BTNL9: variants seen among roughly 807,000 people sequenced by gnomAD.
The protein encoded by BTNL9 is butyrophilin like 9.
In BTNL9, 45 loss-of-function variants were observed where a neutral mutation model predicts 45.8. The observed-to-expected ratio is 0.98, with a 90% CI of 0.77 to 1.26. BTNL9 has a LOEUF of 1.26. Ranked by LOEUF, BTNL9 falls within the 50% of genes most tolerant of loss-of-function variation. BTNL9 has a pLI of 0.00. For synonymous variants in BTNL9, 346 were observed against 330.8 expected, an observed-to-expected ratio of 1.05 and a Z score of -0.50; for missense variants, 784 against 729.7, an observed-to-expected ratio of 1.07 and a Z score of -0.86.
Position 181,059,778 on chromosome 5 carries a change from A to G in BTNL9, c.1524A>G (p.Arg508=), listed in dbSNP as rs369501156. ...DPLTICPLPV[R]GTGVPEENDS... ...TGACCATCTGCCCGCTGCCGGTTAGAGGGACGGGCGTCCCCGAAGAGAACG... is the reference window on the plus strand; with the variant it reads ...TGACCATCTGCCCGCTGCCGGTTAGGGGGACGGGCGTCCCCGAAGAGAACG... Residue 508 remains arginine (R), a synonymous_variant, in exon 11 of 11, where the codon AGA becomes AGG. Coordinates refer to ENST00000327705, the MANE Select transcript of BTNL9 (RefSeq NM_152547.5). 3.3e-5 allele frequency: 53 copies of G among 1,609,782 alleles called. No individual in the cohort carries two copies. Among genetic ancestry groups the G allele is most frequent in the East Asian group, 4.5e-5 (2 of 44,840 alleles).
rs1761803968 is a variant in BTNL9 at position 181,055,040 on chromosome 5, A to G, written c.908-393A>G. On this transcript the variant is annotated intron_variant, in intron 7 of 10. Transcript: ENST00000327705. This position sits in a 1 kb window ranked among gnomAD's most constrained non-coding sequence, Gnocchi z 4.4. Reference sequence around the variant, plus strand: ...GTGTGATGTCCTTCCAGTCCTTCAGATAACGCACCCGGTGAGTGACCGTGA... The same window carrying G: ...GTGTGATGTCCTTCCAGTCCTTCAGGTAACGCACCCGGTGAGTGACCGTGA... 2.0e-6 allele frequency: 2 copies of G among 985,424 alleles called. No homozygotes were observed. The highest frequency in any genetic ancestry group is 3.5e-5 in the African/African-American group (2 of 57,346). 61.0% of individuals were successfully genotyped at this position (985,424 alleles called of 1,614,324 possible).
At chr5:181,046,157 TCCAACACCTCCTCCACCATCTCC>T (rs1761126415) in intron 2 of BTNL9, among the ~76,000 whole-genome samples, 1 of 4,438 alleles carries the variant, frequency 2.3e-4, no homozygotes, top group South Asian at 7.5e-3. Context: ...CTCCCCAGCC[TCCAACACCTCCTCCACCATCTCC>T]CCAGCCCCCA....
rs1327563931 is a variant in BTNL9, at chr5:181,048,790, A to AT, written c.454+520dup. Among the ~76,000 whole-genome samples, 33 of 102,106 alleles carry AT rather than the reference A, an allele frequency of 3.2e-4. 3 individuals carry two copies. Among genetic ancestry groups the AT allele is most frequent in the African/African-American group, 1.0e-3 (29 of 28,430 alleles). The allele number at this position is 102,106 out of a possible 152,430, so 67.0% of individuals were successfully genotyped here. ...ATATAGTATGCTATATATTAATTAT[A>AT]TAGTTATATATTATATAATTATATT... On this transcript the variant is annotated intron_variant, in intron 3 of 10. Coordinates refer to ENST00000327705, the MANE Select transcript of BTNL9 (RefSeq NM_152547.5).
At chr5:181,041,169 T>C (rs1208548969) in intron 1 of BTNL9, among the ~76,000 whole-genome samples, 1 of 152,146 alleles carries the variant, frequency 6.6e-6, no homozygotes, top group Non-Finnish European at 1.5e-5. Context: ...TGTTAGAGAA[T>C]CCCCAAGGTT....
At chr5:181,051,078 C>CAAAAAAAA (rs1399289272) in intron 4 of BTNL9, among the ~76,000 whole-genome samples, 45 of 44,676 alleles carry the variant, frequency 1.0e-3, no homozygotes, top group African/African-American at 3.7e-3. Context: ...GAATCCGTCT[C>CAAAAAAAA]AAAAAAAAAA....
chr5:181,048,573 A>G (rs1761316796), intron 3 of BTNL9, among the ~76,000 whole-genome samples: 1 of 151,464 alleles, frequency 6.6e-6, no homozygotes, highest in African/African-American at 2.4e-5. Context: ...CAGGCAACAT[A>G]GGGAGACCCC....
At chr5:181,049,987 T>C in intron 3 of BTNL9, 101 bp from the exon 4 acceptor site, 2 of 1,423,044 alleles carry the variant, frequency 1.4e-6, no homozygotes, top group East Asian at 2.3e-5. Context: ...TCACACTTCA[T>C]GATGCTTTAT....
intron 1 of BTNL9, chr5:181,043,292 C>CTG (rs532467280): frequency 0.068 from 10,139 of 149,086 alleles, 483 homozygotes; most frequent in African/African-American, 0.13. Flanking sequence ...GTGTGTGTGT[C>CTG]TGTGTGTGTG....
At position 181,053,390 on chromosome 5, in the gene BTNL9, C is replaced by G. The variant is rs1173125367; in HGVS notation, c.853+74C>G. The stretch of plus-strand genomic sequence containing the variant: ...CCCCGGGGCCGCGGAGGCGCCTCCC[C>G]CCAGGACGCGGCGCGGGAAGGCGGC... On this transcript the variant is annotated intron_variant, in intron 5 of 10. Transcript: ENST00000327705. The surrounding 1 kb of genome is among the most constrained non-coding windows in gnomAD (Gnocchi z 6.5). The G allele has an allele frequency of 5.9e-6, 9 of 1,529,396 alleles. No individual in the cohort carries two copies. The highest frequency in any genetic ancestry group is 7.9e-6 in the Non-Finnish European group (9 of 1,136,816). The allele number at this position is 1,529,396 out of a possible 1,614,324, so 94.7% of individuals were successfully genotyped here.
At chr5:181,045,208 C>T (rs896457417) in intron 1 of BTNL9, among the ~76,000 whole-genome samples, 6 of 152,206 alleles carry the variant, frequency 3.9e-5, no homozygotes, top group African/African-American at 1.4e-4. Flanking sequence ...AAGCTGCTTC[C>T]TCTGGGATCC....
At position 181,050,192 on chromosome 5, in the gene BTNL9, A is replaced by G; in HGVS notation, c.559A>G (p.Arg187Gly). 1 of 1,614,078 alleles carries G rather than the reference A, an allele frequency of 6.2e-7. No individual in the cohort carries two copies. The highest frequency in any genetic ancestry group is 8.5e-7 in the Non-Finnish European group (1 of 1,180,034). Residue 187 changes from arginine (R) to glycine (G), a missense_variant, in exon 4 of 11, where the codon AGA becomes GGA. Arg to Gly is a moderately radical substitution (Grantham distance 125, BLOSUM62 -2). Transcript: ENST00000327705. The surrounding 1 kb of genome is among the most constrained non-coding windows in gnomAD (Gnocchi z 4.9). ...GTACCCCAAGCCTAAGGTTCAGTGGAGAGACCACCAGGGACAGTGCCTGCC... is the reference window on the plus strand; with the variant it reads ...GTACCCCAAGCCTAAGGTTCAGTGGGGAGACCACCAGGGACAGTGCCTGCC... ...GWYPKPKVQW[R>G]DHQGQCLPPE...
chr5:181,059,053 CAG>C (rs1561988710), intron 10 of BTNL9, 182 bp from the exon 11 acceptor site: 1 of 579,212 alleles, frequency 1.7e-6, no homozygotes, highest in African/African-American at 2.0e-5. Context: ...ATCAAACACT[CAG>C]GAGTGACTGA....
intron 1 of BTNL9, among the ~76,000 whole-genome samples, chr5:181,043,143 A>G (rs1760869662): frequency 2.0e-5 from 3 of 152,110 alleles, no homozygotes; most frequent in African/African-American, 7.2e-5. Flanking sequence ...TTTGATAGAT[A>G]GGAAGTACCC....
chr5:181,059,315 G>A lies in BTNL9; in HGVS notation c.1061G>A (p.Gly354Glu). Residue 354 changes from glycine (G) to glutamate (E), a missense_variant, in exon 11 of 11, where the codon GGG (glycine) becomes GAG (glutamate). Gly to Glu is a moderately conservative substitution (Grantham distance 98). Coordinates refer to ENST00000327705, the MANE Select transcript of BTNL9 (RefSeq NM_152547.5). The stretch of plus-strand genomic sequence containing the variant: ...GATGGCAAGAGCGTGTCTTCCCGCG[G>A]GGCGCCGCCAGGCCCGGCGCCTGGC... ...SEDGKSVSSRGAPPGPAPGHP... is the reference protein window; with the variant it reads ...SEDGKSVSSREAPPGPAPGHP... 1.3e-6 allele frequency: 2 copies of A among 1,559,890 alleles called. No homozygotes were observed. Among genetic ancestry groups the A allele is most frequent in the Non-Finnish European group, 1.7e-6 (2 of 1,158,300 alleles).
intron 2 of BTNL9, 143 bp downstream of exon 2, chr5:181,045,741 G>C (rs1020645620): frequency 1.5e-6 from 1 of 673,972 alleles, no homozygotes; most frequent in East Asian, 2.8e-5. Flanking sequence ...TTGTTAAAGA[G>C]CCACTACCCC....
At chr5:181,054,213 C>A (rs776147638) in intron 6 of BTNL9, 26 bp from the exon 7 acceptor site, 8 of 1,607,374 alleles carry the variant, frequency 5.0e-6, no homozygotes, top group Non-Finnish European at 6.8e-6. Flanking sequence ...CCCTTTTCTT[C>A]ATCTTTTTTT....
rs775299854 is a variant in BTNL9 at position 181,059,456 on chromosome 5, G to A, written c.1202G>A (p.Cys401Tyr). ...CGCAGCCGCTGGTTCCTGGGCGCCT[G>A]CCTGGCCGCGGTGCCGCGCGCGGGG... ...GRRSRWFLGA[C>Y]LAAVPRAGPA... The change falls in exon 11 of 11, where the codon TGC becomes TAC. Residue 401 changes from cysteine to tyrosine, a missense_variant. Cys to Tyr is a radical substitution (Grantham distance 194). Coordinates refer to ENST00000327705, the MANE Select transcript of BTNL9 (RefSeq NM_152547.5). 351 of 1,451,200 alleles carry A rather than the reference G, an allele frequency of 2.4e-4. No homozygotes were observed. The highest frequency in any genetic ancestry group is 3.3e-4 in the Admixed American group (11 of 33,560). 89.9% of individuals were successfully genotyped at this position (1,451,200 alleles called of 1,614,324 possible).
At chr5:181,043,746 G>A (rs1242497431) in intron 1 of BTNL9, among the ~76,000 whole-genome samples, 1 of 152,238 alleles carries the variant, frequency 6.6e-6, no homozygotes, top group African/African-American at 2.4e-5. Flanking sequence ...GAAAAGAGAA[G>A]GGAACAGAAG....
chr5:181,053,587 G>T lies in BTNL9; in HGVS notation c.886+86G>T, dbSNP rs1343250504. On this transcript the variant is annotated intron_variant, in intron 6 of 10. Coordinates refer to ENST00000327705, the MANE Select transcript of BTNL9 (RefSeq NM_152547.5). The surrounding 1 kb of genome is among the most constrained non-coding windows in gnomAD (Gnocchi z 6.5). Reference sequence around the variant, plus strand: ...AAAGGCTGTGGGTCCCGTTACGAGGGTTTATTCCAGCGCGAGGTGTCAGGG... The same window carrying T: ...AAAGGCTGTGGGTCCCGTTACGAGGTTTTATTCCAGCGCGAGGTGTCAGGG... The T allele has an allele frequency of 1.9e-6, 3 of 1,550,234 alleles. No individual in the cohort carries two copies. Among genetic ancestry groups the T allele is most frequent in the African/African-American group, 2.7e-5 (2 of 73,092 alleles).
Sources: allele counts gnomAD v4.1 joint callset (sites outside exome capture counted in the v4.1 genomes callset), GRCh38; gene constraint gnomAD v4.1.1; non-coding constraint Gnocchi (gnomAD v3.1); transcripts MANE v1.5; gene names NCBI Gene and HGNC (gene_info 2026-07-23, HGNC 2026-07-21).